CTIF: variants seen among roughly 807,000 people sequenced by gnomAD.
CTIF encodes the protein cap binding complex dependent translation initiation factor.
Under a neutral mutation model 66.0 loss-of-function variants are expected in CTIF, and 21 were observed. That is an observed-to-expected ratio of 0.32 (90% CI 0.23 to 0.46). The LOEUF (loss-of-function observed/expected upper bound fraction) is 0.46. Among genes scored for constraint, CTIF ranks in the 20% least tolerant of loss-of-function variants. The pLI is 1.00. For missense variants in CTIF, 739 were observed against 812.7 expected, an observed-to-expected ratio of 0.91 and a Z score of 1.10; for synonymous variants, 345 against 326.4, an observed-to-expected ratio of 1.06 and a Z score of -0.62.
In CTIF at chr18:48,619,669, A is replaced by T; in HGVS notation, c.104A>T (p.Tyr35Phe). Reference protein sequence around the residue: ...ERFIDSYVLEYQVQGLLADKT... With the variant: ...ERFIDSYVLEFQVQGLLADKT... The stretch of plus-strand genomic sequence containing the variant: ...TTCATCGACAGCTACGTGCTGGAGT[A>T]CCAGGTGCAGGGGCTGCTGGCTGAC... Residue 35 changes from tyrosine (Y) to phenylalanine (F), a missense_variant, in exon 2 of 12, where the codon TAC becomes TTC. Tyr to Phe is a conservative substitution (Grantham distance 22). Coordinates refer to ENST00000256413, the MANE Select transcript of CTIF (RefSeq NM_014772.3). 6.2e-7 allele frequency: 1 copy of T among 1,607,570 alleles called. No individual in the cohort carries two copies. The highest frequency in any genetic ancestry group is 8.5e-7 in the Non-Finnish European group (1 of 1,177,296).
chr18:48,623,139 C>G (rs532324171), intron 2 of CTIF, among the ~76,000 whole-genome samples: 1 of 152,224 alleles, frequency 6.6e-6, no homozygotes, highest in Non-Finnish European at 1.5e-5. Flanking sequence ...ATCTGTGTGG[C>G]GGGCAAGGCA....
intron 10 of CTIF, among the ~76,000 whole-genome samples, chr18:48,841,309 G>C (rs955914192): frequency 2.0e-5 from 3 of 152,154 alleles, no homozygotes; most frequent in African/African-American, 7.2e-5. Flanking sequence ...GCATGGGGAG[G>C]CCCTCCTTCT....
chr18:48,672,132 G>A lies in CTIF; in HGVS notation c.507+1388G>A, dbSNP rs1382626085. ...TCTACAATTCACATGGGTACCCTTA[G>A]GACAAGGTAGACAGGCTTCTTGATC... On this transcript the variant is annotated intron_variant, in intron 6 of 11. Transcript: ENST00000256413. Among the ~76,000 whole-genome samples the A allele has an allele frequency of 2.7e-5, 4 of 150,526 alleles. No individual in the cohort carries two copies. In the East Asian group the frequency reaches 6.0e-4, roughly 23 times the overall value.
intron 3 of CTIF, among the ~76,000 whole-genome samples, chr18:48,639,297 G>T (rs894064003): frequency 6.6e-6 from 1 of 152,188 alleles, no homozygotes; most frequent in Non-Finnish European, 1.5e-5. Flanking sequence ...TGTCAACCAG[G>T]AGTGTTTGCA....
At chr18:48,613,743 G>A (rs928175474) in intron 1 of CTIF, among the ~76,000 whole-genome samples, 2 of 152,164 alleles carry the variant, frequency 1.3e-5, no homozygotes, top group African/African-American at 4.8e-5. Flanking sequence ...AGACACAGAT[G>A]TGGCCAAGCT....
intron 3 of CTIF, among the ~76,000 whole-genome samples, chr18:48,658,703 A>C (rs1236999964): frequency 6.6e-6 from 1 of 152,062 alleles, no homozygotes; most frequent in Non-Finnish European, 1.5e-5. Flanking sequence ...TATTGTGTAT[A>C]TATGTGTCTG....
intron 11 of CTIF, among the ~76,000 whole-genome samples, chr18:48,858,032 C>G (rs984985094): frequency 6.6e-6 from 1 of 152,262 alleles, no homozygotes; most frequent in East Asian, 1.9e-4. Flanking sequence ...ACAGCCCACC[C>G]GAAAGCACAC....
chr18:48,849,582 CTTTT>C (rs377281281), intron 10 of CTIF, among the ~76,000 whole-genome samples: 257 of 114,428 alleles, frequency 2.2e-3, no homozygotes, highest in African/African-American at 8.1e-3. Flanking sequence ...CCATTTTAAA[CTTTT>C]TTTTTTTTTT....
chr18:48,700,874 G>A (rs1014177227), intron 6 of CTIF, among the ~76,000 whole-genome samples: 1 of 152,186 alleles, frequency 6.6e-6, no homozygotes, highest in Non-Finnish European at 1.5e-5. Context: ...ATGCTCACAG[G>A]GCACCGTGGG....
intron 9 of CTIF, among the ~76,000 whole-genome samples, chr18:48,810,643 A>G (rs561715832): frequency 6.6e-6 from 1 of 151,672 alleles, no homozygotes; most frequent in African/African-American, 2.4e-5. Flanking sequence ...TTTTTTATTC[A>G]TTTAATCGGC....
At chr18:48,838,555 C>T (rs538134255) in intron 10 of CTIF, among the ~76,000 whole-genome samples, 78 of 152,296 alleles carry the variant, frequency 5.1e-4, no homozygotes, top group Non-Finnish European at 3.5e-4. Context: ...ACACAGACAG[C>T]ATGTCTGTGC....
intron 9 of CTIF, among the ~76,000 whole-genome samples, chr18:48,816,400 C>T (rs1298883041): frequency 6.6e-6 from 1 of 152,182 alleles, no homozygotes; most frequent in Non-Finnish European, 1.5e-5. Flanking sequence ...GTTTTAATTT[C>T]ATCCTGCCTG....
chr18:48,801,491 A>C (rs895449398), intron 9 of CTIF, among the ~76,000 whole-genome samples: 4 of 152,230 alleles, frequency 2.6e-5, no homozygotes, highest in African/African-American at 9.6e-5. Context: ...ATAATGCCAC[A>C]TAAATGTTAA....
intron 3 of CTIF, among the ~76,000 whole-genome samples, chr18:48,640,247 C>A (rs2090902540): frequency 6.6e-6 from 1 of 152,238 alleles, no homozygotes; most frequent in South Asian, 2.1e-4. Flanking sequence ...AGGCAGACAC[C>A]CTCACACTGA....
At chr18:48,624,999 T>C (rs1378951520) in intron 2 of CTIF, among the ~76,000 whole-genome samples, 2 of 152,212 alleles carry the variant, frequency 1.3e-5, no homozygotes, top group African/African-American at 4.8e-5. Flanking sequence ...GCAGTGGCAA[T>C]GAATAGGATA....
intron 1 of CTIF, chr18:48,539,627 G>GGCTC: frequency 6.5e-6 from 1 of 153,142 alleles, no homozygotes. Flanking sequence ...CGCCAAGGGG[G>GGCTC]GCTCTTGGGG....
chr18:48,744,008 T>A (rs145681833), intron 7 of CTIF, among the ~76,000 whole-genome samples: 1 of 152,270 alleles, frequency 6.6e-6, no homozygotes, highest in Non-Finnish European at 1.5e-5. Flanking sequence ...AGGAGGGGCG[T>A]ACTTTGAGAA....
At chr18:48,776,503 C>T (rs778393650) in intron 9 of CTIF, among the ~76,000 whole-genome samples, 2 of 152,260 alleles carry the variant, frequency 1.3e-5, no homozygotes, top group African/African-American at 4.8e-5. Flanking sequence ...CCTCCCCTCC[C>T]TCAAGTGGTG....
chr18:48,856,858 C>G (rs1172297140), intron 10 of CTIF, among the ~76,000 whole-genome samples: 2 of 152,106 alleles, frequency 1.3e-5, no homozygotes, highest in Non-Finnish European at 2.9e-5. Flanking sequence ...TGGGGATATC[C>G]TAAAAAGCAC....
Sources: gnomAD v4.1 joint callset for allele counts (sites outside exome capture counted in the v4.1 genomes callset) on GRCh38, gnomAD v4.1.1 for gene constraint, MANE v1.5 for transcripts, NCBI Gene and HGNC (gene_info 2026-07-23, HGNC 2026-07-21) for gene names.